UMAD1: variants seen among roughly 807,000 people sequenced by gnomAD.
UMAD1 encodes the protein UBAP1-MVB12-associated (UMA)-domain containing protein 1.
In UMAD1, 8 loss-of-function variants were observed where a neutral mutation model predicts 6.1. The ratio of observed to expected loss-of-function variants is 1.30; its 90% CI spans 0.76 to 2.35. The LOEUF (loss-of-function observed/expected upper bound fraction) is 2.35. Among genes scored for constraint, UMAD1 ranks in the 30% most tolerant of loss-of-function variants. The pLI, the probability that UMAD1 is intolerant of heterozygous loss-of-function variation, is 0.00. For synonymous variants in UMAD1, 56 were observed against 31.4 expected (o/e 1.78, Z -2.61); for missense variants, 130 against 78.4 (o/e 1.66, Z -2.49).
At chr7:7,762,335 A>G (rs1274176096) in intron 2 of UMAD1, among the ~76,000 whole-genome samples, 1 of 152,214 alleles carries the variant, frequency 6.6e-6, no homozygotes, top group African/African-American at 2.4e-5. Context: ...ACTCTTGTTT[A>G]AGTACATCAG....
intron 3 of UMAD1, among the ~76,000 whole-genome samples, chr7:7,834,646 T>G (rs11768766): frequency 0.23 from 35,385 of 151,888 alleles, 4,953 homozygotes; most frequent in East Asian, 0.39. Context: ...CTCCCTCTTC[T>G]TCCTATAAAG....
chr7:7,775,106 G>A (rs1185508066), intron 2 of UMAD1, among the ~76,000 whole-genome samples: 2 of 152,166 alleles, frequency 1.3e-5, no homozygotes, highest in Non-Finnish European at 2.9e-5. Flanking sequence ...TCCAAAGACT[G>A]ATTTGAGCTC....
intron 2 of UMAD1, among the ~76,000 whole-genome samples, chr7:7,701,551 T>TTTTCTGAACCTTCCCC (rs1465401785): frequency 6.6e-6 from 1 of 152,184 alleles, no homozygotes; most frequent in African/African-American, 2.4e-5. Context: ...GAAGTAGTAT[T>TTTTCTGAACCTTCCCC]TTTCTGAACC....
chr7:7,864,466 C>T (rs1784186844), intron 3 of UMAD1, among the ~76,000 whole-genome samples: 1 of 151,956 alleles, frequency 6.6e-6, no homozygotes, highest in African/African-American at 2.4e-5. Flanking sequence ...ACAGGGCACA[C>T]TCATACACAC....
At chr7:7,870,391 G>A (rs77710955) in intron 3 of UMAD1, among the ~76,000 whole-genome samples, 3,082 of 152,140 alleles carry the variant, frequency 0.02, 116 homozygotes, top group African/African-American at 0.07. Context: ...TAACAAATAC[G>A]CTTTATGAAC....
chr7:7,853,074 C>T (rs77761061), intron 3 of UMAD1, among the ~76,000 whole-genome samples: 2,479 of 152,194 alleles, frequency 0.016, 77 homozygotes, highest in African/African-American at 0.056. Flanking sequence ...TAAAGCACCC[C>T]GACATTATAT....
intron 3 of UMAD1, among the ~76,000 whole-genome samples, chr7:7,864,568 A>T (rs1314929971): frequency 1.3e-5 from 2 of 151,254 alleles, no homozygotes; most frequent in African/African-American, 2.4e-5. Flanking sequence ...GTACCTGAAG[A>T]AAACCCAGCT....
At chr7:7,641,509 A>C (rs1336855212) in intron 1 of UMAD1, 1 of 151,586 alleles carries the variant, frequency 6.6e-6, no homozygotes, top group South Asian at 2.1e-4. Flanking sequence ...AACAGTTTAA[A>C]CCCCCTCAGC....
intron 3 of UMAD1, among the ~76,000 whole-genome samples, chr7:7,869,223 C>T (rs117607632): frequency 0.011 from 1,091 of 96,676 alleles, 8 homozygotes; most frequent in Non-Finnish European, 0.017. Flanking sequence ...ATTTGCCCCT[C>T]CACCTCACCC....
intron 2 of UMAD1, among the ~76,000 whole-genome samples, chr7:7,721,737 G>T (rs1323120287): frequency 6.6e-6 from 1 of 152,032 alleles, no homozygotes; most frequent in African/African-American, 2.4e-5. Flanking sequence ...GCCCTCTCAG[G>T]GATTTTACTG....
chr7:7,766,186 T>TG (rs1781982825), intron 2 of UMAD1, among the ~76,000 whole-genome samples: 1 of 152,230 alleles, frequency 6.6e-6, no homozygotes, highest in Admixed American at 6.5e-5. Flanking sequence ...AAAATTTACT[T>TG]GTCTGTTTTT....
chr7:7,853,389 T>A (rs1051221630), intron 3 of UMAD1, among the ~76,000 whole-genome samples: 1 of 152,208 alleles, frequency 6.6e-6, no homozygotes, highest in Non-Finnish European at 1.5e-5. Context: ...ATTGATTTTG[T>A]AGCGCAATTT....
chr7:7,727,282 A>G (rs1328156345), intron 2 of UMAD1, among the ~76,000 whole-genome samples: 1 of 152,206 alleles, frequency 6.6e-6, no homozygotes, highest in Non-Finnish European at 1.5e-5. Context: ...TTTTTACTTT[A>G]TCATGAGACA....
chr7:7,837,340 A>G (rs1394791431), intron 3 of UMAD1, among the ~76,000 whole-genome samples: 2 of 152,142 alleles, frequency 1.3e-5, no homozygotes, highest in East Asian at 1.9e-4. Context: ...AAATGATCCC[A>G]GATGGAAGAT....
chr7:7,695,082 A>G (rs904980019), intron 2 of UMAD1, among the ~76,000 whole-genome samples: 1 of 152,228 alleles, frequency 6.6e-6, no homozygotes, highest in Non-Finnish European at 1.5e-5. Context: ...AAGCCATTTT[A>G]ACTGGGGTGA....
At chr7:7,825,226 A>G (rs998077559) in intron 3 of UMAD1, among the ~76,000 whole-genome samples, 6 of 152,182 alleles carry the variant, frequency 3.9e-5, no homozygotes, top group Non-Finnish European at 8.8e-5. Flanking sequence ...GGGCCTACCC[A>G]TCACTGAAGT....
At chr7:7,686,446 A>AT (rs1780043213) in intron 2 of UMAD1, among the ~76,000 whole-genome samples, 1 of 152,144 alleles carries the variant, frequency 6.6e-6, no homozygotes, top group Non-Finnish European at 1.5e-5. Context: ...TTTATTGACA[A>AT]TTTTTTAAAA....
At chr7:7,758,132 A>G (rs1427582829) in intron 2 of UMAD1, among the ~76,000 whole-genome samples, 1 of 151,526 alleles carries the variant, frequency 6.6e-6, no homozygotes, top group East Asian at 1.9e-4. Context: ...CTGGTCTTGA[A>G]CTCCTGGGCT....
rs79106152 is a variant in UMAD1, at chr7:7,729,689, G to T, written c.82+56236G>T. On this transcript the variant is annotated intron_variant, in intron 2 of 3. Transcript: ENST00000682710. ...CCTGGACAACTCTAAAATTCAGGAT[G>T]CCCTGGTGAACACGCTAACCTCAGT... Among the ~76,000 whole-genome samples, 119 of 152,240 alleles carry T rather than the reference G, an allele frequency of 7.8e-4. 3 individuals carry two copies. In the East Asian group the frequency reaches 0.016, roughly 21 times the overall value.
Sources: gnomAD v4.1 joint callset for allele counts (sites outside exome capture counted in the v4.1 genomes callset) on GRCh38, gnomAD v4.1.1 for gene constraint, MANE v1.5 for transcripts, NCBI Gene and HGNC (gene_info 2026-07-23, HGNC 2026-07-21) for gene names.